Variants in PRMT8 observed in about 807,000 individuals in gnomAD.
PRMT8 encodes the protein protein arginine methyltransferase 8, also known as protein arginine N-methyltransferase 8.
PRMT8 carries 7 observed loss-of-function variants against 47.1 expected under a neutral mutation model. The ratio of observed to expected loss-of-function variants is 0.15; its 90% confidence interval spans 0.08 to 0.28. The LOEUF (loss-of-function observed/expected upper bound fraction) is 0.28, where lower values mean the gene tolerates loss of function less well. Ranked by LOEUF, PRMT8 falls within the 10% of genes least tolerant of loss-of-function variation. The pLI, the probability that PRMT8 is intolerant of heterozygous loss-of-function variation, is 1.00. For missense variants in PRMT8, 237 were observed against 505.4 expected, an observed-to-expected ratio of 0.47 and a Z score of 5.09; for synonymous variants, 188 against 186.5, an observed-to-expected ratio of 1.01 and a Z score of -0.07.
intron 8 of PRMT8, among the ~76,000 whole-genome samples, chr12:3,587,156 T>G (rs1275108020): frequency 6.7e-6 from 1 of 149,590 alleles, no homozygotes; most frequent in East Asian, 1.9e-4. Flanking sequence ...ATGGTTCACT[T>G]TTTTTGCTAA....
chr12:3,463,542 T>A lies in PRMT8; in HGVS notation c.49-77064T>A, dbSNP rs575826464. 6.3e-4 allele frequency: 96 copies of A among 152,320 alleles called. 1 individual carries two copies. Among genetic ancestry groups the A allele is most frequent in the African/African-American group, 2.3e-3 (96 of 41,572 alleles). 9.4% of individuals were successfully genotyped at this position (152,320 alleles called of 1,614,324 possible). A position where few individuals can be genotyped will look rare whatever the true frequency, so the allele number is the denominator to read the frequency against. On this transcript the variant is annotated intron_variant, in intron 1 of 9. Transcript: ENST00000452611. ...GAGCTGTGTACTCTAGGACAAGCCA[T>A]TTAACTTTTCAGCTGTGCTCTAGAA... is the stretch of plus-strand genomic sequence containing the variant.
At chr12:3,460,787 G>T (rs147422259) in intron 1 of PRMT8, among the ~76,000 whole-genome samples, 3 of 152,300 alleles carry the variant, frequency 2.0e-5, no homozygotes, top group African/African-American at 4.8e-5. Flanking sequence ...CACCATGCTC[G>T]TGGGGCAATG....
In PRMT8 at chr12:3,499,193, CTTT is replaced by C. The variant is rs57788869; in HGVS notation, c.75+7506_75+7508del. 7.5e-4 allele frequency among the ~76,000 whole-genome samples: 92 copies of C among 122,256 alleles called. 1 individual carries two copies. The highest frequency in any genetic ancestry group is 2.7e-3 in the African/African-American group (83 of 31,092). 80.2% of individuals were successfully genotyped at this position (122,256 alleles called of 152,430 possible). On this transcript the variant is annotated intron_variant, in intron 1 of 9. Coordinates refer to ENST00000382622, the MANE Select transcript of PRMT8 (RefSeq NM_019854.5). ...TATTTATTTATTTTTTTTTTCCTTTCTTTTTTTTTTTTTTTATTATACTCTAAG... is the reference window on the plus strand; with the variant it reads ...TATTTATTTATTTTTTTTTTCCTTTCTTTTTTTTTTTTATTATACTCTAAG...
chr12:3,542,707 G>A (rs552080159), intron 2 of PRMT8, among the ~76,000 whole-genome samples: 2 of 152,200 alleles, frequency 1.3e-5, no homozygotes, highest in Admixed American at 6.5e-5. Flanking sequence ...CCCACTCGGA[G>A]CCTCCGTGAT....
chr12:3,529,793 A>T (rs1265342037), intron 1 of PRMT8, among the ~76,000 whole-genome samples: 1 of 152,170 alleles, frequency 6.6e-6, no homozygotes, highest in African/African-American at 2.4e-5. Context: ...TGGCCAGATG[A>T]TGGAGCCTGA....
At chr12:3,573,336 TA>T (rs1316204174) in intron 6 of PRMT8, among the ~76,000 whole-genome samples, 1 of 152,224 alleles carries the variant, frequency 6.6e-6, no homozygotes, top group Non-Finnish European at 1.5e-5. Flanking sequence ...CTGGCTTTTT[TA>T]AAAAGTTTCC....
At chr12:3,491,889 T>TGTGTGTGTG (rs1565421679) in intron 1 of PRMT8, among the ~76,000 whole-genome samples, 189 bp downstream of exon 1, 4 of 32,896 alleles carry the variant, frequency 1.2e-4, no homozygotes, top group Non-Finnish European at 1.7e-4. Flanking sequence ...TGTGTGTGTG[T>TGTGTGTGTG]TGGTGGGGGG....
intron 1 of PRMT8, among the ~76,000 whole-genome samples, chr12:3,527,727 C>T (rs1369490306): frequency 6.6e-6 from 1 of 151,862 alleles, no homozygotes; most frequent in African/African-American, 2.4e-5. Flanking sequence ...GAAAAAAAGC[C>T]TTTTATATTT....
intron 3 of PRMT8, chr12:3,551,022 G>C (rs975040525): frequency 6.6e-6 from 1 of 152,198 alleles, no homozygotes; most frequent in African/African-American, 2.4e-5. Flanking sequence ...GCAGCATTCA[G>C]TGGGTCTTTG....
intron 6 of PRMT8, among the ~76,000 whole-genome samples, chr12:3,574,693 T>C (rs1445072509): frequency 6.6e-6 from 1 of 152,232 alleles, no homozygotes; most frequent in African/African-American, 2.4e-5. Context: ...TCATTTCCAT[T>C]TTACAGAATC....
rs1864313214 is a variant in PRMT8, at chr12:3,401,227, CAT to C, written c.48+19786_48+19787del. ...TAAACAGAACTAAAGACAAAAACCA[CAT>C]GATTATCTCAATAGATGCAGAAAAG... On this transcript the variant is annotated intron_variant, in intron 1 of 9. Coordinates refer to the PRMT8 transcript ENST00000452611. Among the ~76,000 whole-genome samples the C allele has an allele frequency of 4.7e-5, 7 of 149,966 alleles. No individual in the cohort carries two copies. The South Asian group carries it at 1.5e-3, about 32-fold the overall frequency.
In PRMT8 at chr12:3,576,447, A is replaced by T. The variant is rs1005610447; in HGVS notation, c.713-424A>T. ...GAGAGATGGGCCTTCTAGGTCTTCT[A>T]GGTGTGGAGAACAGCTCGAGACAGC... On this transcript the variant is annotated intron_variant, in intron 6 of 9. Transcript: ENST00000382622. The surrounding 1 kb of genome is among the most constrained non-coding windows in gnomAD (Gnocchi z 4.0). Among the ~76,000 whole-genome samples the T allele has an allele frequency of 6.6e-6, 1 of 152,184 alleles. No individual in the cohort carries two copies. Among genetic ancestry groups the T allele is most frequent in the African/African-American group, 2.4e-5 (1 of 41,440 alleles).
At chr12:3,397,105 TA>T (rs1171297007) in intron 1 of PRMT8, among the ~76,000 whole-genome samples, 1 of 151,600 alleles carries the variant, frequency 6.6e-6, no homozygotes, top group Non-Finnish European at 1.5e-5. Flanking sequence ...ATTCTAGTTA[TA>T]CATTCTTCTA....
intron 1 of PRMT8, among the ~76,000 whole-genome samples, chr12:3,445,382 C>A (rs752823256): frequency 2.0e-5 from 3 of 152,172 alleles, no homozygotes; most frequent in Non-Finnish European, 4.4e-5. Context: ...TTTGATTAGT[C>A]GCCAAACACA....
Position 3,453,980 on chromosome 12 carries a change from C to T in PRMT8, c.48+72538C>T, listed in dbSNP as rs1864947920. 5.3e-5 allele frequency among the ~76,000 whole-genome samples: 8 copies of T among 152,276 alleles called. 2 individuals are homozygous for T. The South Asian group carries it at 1.7e-3, about 32-fold the overall frequency. ...TCAGGTTTCGAGAAGCAGCGACGTG[C>T]TCGGGTCACCTCAGGGCGGAGGGTT... On this transcript the variant is annotated intron_variant, in intron 1 of 9. Transcript: ENST00000452611. This position sits in a 1 kb window ranked among gnomAD's most constrained non-coding sequence, Gnocchi z 4.9.
chr12:3,410,537 C>CTT (rs1173600982), intron 1 of PRMT8, among the ~76,000 whole-genome samples: 1 of 152,180 alleles, frequency 6.6e-6, no homozygotes, highest in Admixed American at 6.5e-5. Flanking sequence ...GAGACGGAGT[C>CTT]TTGCTCTGTC....
intron 1 of PRMT8, among the ~76,000 whole-genome samples, chr12:3,523,778 C>T (rs976970928): frequency 2.6e-5 from 4 of 152,198 alleles, no homozygotes; most frequent in African/African-American, 9.7e-5. Flanking sequence ...ATAAGACTTA[C>T]AAAAGCCTAT....
intron 1 of PRMT8, among the ~76,000 whole-genome samples, chr12:3,484,155 G>A (rs1865300434): frequency 6.6e-6 from 1 of 152,156 alleles, no homozygotes; most frequent in South Asian, 2.1e-4. Flanking sequence ...TTTTACAGTG[G>A]GAAGGAGGGG....
intron 1 of PRMT8, among the ~76,000 whole-genome samples, chr12:3,382,858 T>C (rs1196202472): frequency 6.6e-6 from 1 of 152,246 alleles, no homozygotes. Context: ...TATAACTCCA[T>C]GATACATTTT....
Sources: gnomAD v4.1 joint callset for allele counts (sites outside exome capture counted in the v4.1 genomes callset) on GRCh38, gnomAD v4.1.1 for gene constraint, Gnocchi (gnomAD v3.1) non-coding constraint, MANE v1.5 for transcripts, NCBI Gene and HGNC (gene_info 2026-07-23, HGNC 2026-07-21) for gene names.